The following ZNF275 variants were observed in gnomAD, a reference collection of about 807,000 sequenced individuals.
The protein encoded by ZNF275 is zinc finger protein 275.
A neutral mutation model predicts 4.3 loss-of-function variants in ZNF275; 4 were observed. The ratio of observed to expected loss-of-function variants is 0.93; its 90% CI spans 0.46 to 2.13. The LOEUF (loss-of-function observed/expected upper bound fraction) is 2.13. Among genes scored for constraint, ZNF275 ranks in the 30% most tolerant of loss-of-function variants. The pLI is 0.02. For missense variants in ZNF275, 352 were observed against 397.1 expected (o/e 0.89, Z 0.97); for synonymous variants, 173 against 166.9 (o/e 1.04, Z -0.28).
At chrX:153,336,275 G>A (rs1457306243) in intron 1 of ZNF275, among the ~76,000 whole-genome samples, 1 of 112,870 alleles carries the variant, frequency 8.9e-6, no homozygotes, top group Non-Finnish European at 1.9e-5. Context: ...AATACCCCAA[G>A]AGAGACAGAC....
intron 2 of ZNF275, among the ~76,000 whole-genome samples, chrX:153,342,961 C>CTA (rs782303368): frequency 1.8e-5 from 2 of 112,758 alleles, no homozygotes; most frequent in Non-Finnish European, 3.7e-5. Context: ...CCACTAAGCT[C>CTA]TATTTGGTTC....
chrX:153,343,281 C>T (rs988993774), intron 2 of ZNF275: 5 of 218,985 alleles, frequency 2.3e-5, no homozygotes, highest in African/African-American at 1.5e-4. Context: ...TTTTGTGGGC[C>T]TTGAGCCAGT....
rs1290332708 is a variant in ZNF275, at chrX:153,334,229, T to TGGGCCGCGCCAGCGCCGCTCCACCGA, written c.-93_-68dup. The TGGGCCGCGCCAGCGCCGCTCCACCGA allele has an allele frequency of 9.0e-6, 1 of 111,634 alleles. No homozygotes were observed. Among genetic ancestry groups the TGGGCCGCGCCAGCGCCGCTCCACCGA allele is most frequent in the African/African-American group, 3.2e-5 (1 of 30,809 alleles). 9.2% of individuals were successfully genotyped at this position (111,634 alleles called of 1,213,427 possible). The stretch of plus-strand genomic sequence containing the variant: ...CGCTTCCTGCCACGCCAGGCCTGCC[T>TGGGCCGCGCCAGCGCCGCTCCACCGA]GGGCCGCGCCAGCGCCGCTCCACCG... On this transcript the variant is annotated 5_prime_UTR_variant, in exon 1 of 4. Coordinates refer to ENST00000650114, the MANE Select transcript of ZNF275 (RefSeq NM_001367757.1).
Position 153,352,663 on chromosome X carries a change from CCA to C in ZNF275, c.*4689_*4690del, listed in dbSNP as rs1352562387. Reference sequence around the variant, plus strand: ...CTGAGAACAATAGCTATGTCCCACCCCAGTTTGTATTTCCGTTGGTTGTTGGC... The same window carrying C: ...CTGAGAACAATAGCTATGTCCCACCCGTTTGTATTTCCGTTGGTTGTTGGC... On this transcript the variant is annotated 3_prime_UTR_variant, in exon 4 of 4. Coordinates refer to ENST00000650114, the MANE Select transcript of ZNF275 (RefSeq NM_001367757.1). 8.9e-6 allele frequency: 1 copy of C among 112,109 alleles called. No homozygotes were observed. The highest frequency in any genetic ancestry group is 3.2e-5 in the African/African-American group (1 of 30,802). The allele number at this position is 112,109 out of a possible 1,213,427, so 9.2% of individuals were successfully genotyped here.
rs1163861722 is a variant in ZNF275 at position 153,349,071 on chromosome X, C to G, written c.*1096C>G. The G allele has an allele frequency of 8.1e-6, 1 of 123,647 alleles. No individual in the cohort carries two copies. Among genetic ancestry groups the G allele is most frequent in the African/African-American group, 3.2e-5 (1 of 30,854 alleles). The allele number at this position is 123,647 out of a possible 1,213,427, so 10.2% of individuals were successfully genotyped here. A position where few individuals can be genotyped will look rare whatever the true frequency, so the allele number is the denominator to read the frequency against. On this transcript the variant is annotated 3_prime_UTR_variant, in exon 4 of 4. Transcript: ENST00000650114. The stretch of plus-strand genomic sequence containing the variant: ...AGCATGCCCCTAAGAAGAGATACAT[C>G]TCAAGGACTCAAGTGCAGGGTGACG...
Position 153,348,429 on chromosome X carries a change from A to C in ZNF275, c.*454A>C, listed in dbSNP as rs1163843293. 1.6e-5 allele frequency: 2 copies of C among 123,477 alleles called. No individual in the cohort carries two copies. The highest frequency in any genetic ancestry group is 3.7e-5 in the Non-Finnish European group (2 of 53,390). The allele number at this position is 123,477 out of a possible 1,213,427, so 10.2% of individuals were successfully genotyped here. On this transcript the variant is annotated 3_prime_UTR_variant, in exon 4 of 4. Coordinates refer to ENST00000650114, the MANE Select transcript of ZNF275 (RefSeq NM_001367757.1). The stretch of plus-strand genomic sequence containing the variant: ...TATAAATTTTTAGGGATGTAAATAG[A>C]ACACTCAAATGTCTTAAAATATTTA...
At chrX:153,344,744 G>A (rs782761109) in intron 2 of ZNF275, 3 of 355,970 alleles carry the variant, frequency 8.4e-6, no homozygotes, top group Non-Finnish European at 1.6e-5. Context: ...CCTGAACAGA[G>A]GGCACTGGAA....
At chrX:153,336,257 C>G (rs1032821765) in intron 1 of ZNF275, among the ~76,000 whole-genome samples, 23 of 112,904 alleles carry the variant, frequency 2.0e-4, no homozygotes, top group Admixed American at 1.4e-3. Flanking sequence ...AAGGCACACA[C>G]AGACACAAAT....
chrX:153,344,480 T>A, intron 2 of ZNF275: 1 of 301,534 alleles, frequency 3.3e-6, no homozygotes, highest in East Asian at 8.0e-5. Context: ...AGAGGCCAGG[T>A]CCATGGCCCA....
chrX:153,343,133 A>AT (rs1410224191), intron 2 of ZNF275, among the ~76,000 whole-genome samples: 1 of 111,872 alleles, frequency 8.9e-6, no homozygotes, highest in Non-Finnish European at 1.9e-5. Flanking sequence ...TATTTTCTCC[A>AT]TTTTTTTCTA....
Position 153,351,128 on chromosome X carries a change from T to G in ZNF275, c.*3153T>G, listed in dbSNP as rs925988746. 8.9e-5 allele frequency: 11 copies of G among 123,867 alleles called. No homozygotes were observed. Among genetic ancestry groups the G allele is most frequent in the African/African-American group, 3.6e-4 (11 of 30,925 alleles). The allele number at this position is 123,867 out of a possible 1,213,427, so 10.2% of individuals were successfully genotyped here. On this transcript the variant is annotated 3_prime_UTR_variant, in exon 4 of 4. Coordinates refer to ENST00000650114, the MANE Select transcript of ZNF275 (RefSeq NM_001367757.1). ...CTTTCCCATCTTCAGTTCTATAATT[T>G]TCTCCCAAACAAATGCTCTTTTAGA...
intron 2 of ZNF275, among the ~76,000 whole-genome samples, chrX:153,337,717 C>A (rs2088455374): frequency 8.9e-6 from 1 of 112,193 alleles, no homozygotes; most frequent in Non-Finnish European, 1.9e-5. Context: ...TGTAATGGTG[C>A]TTGCCTAGGT....
intron 2 of ZNF275, among the ~76,000 whole-genome samples, chrX:153,338,184 G>T (rs1159021075): frequency 9.0e-6 from 1 of 111,202 alleles, no homozygotes; most frequent in Non-Finnish European, 1.9e-5. Context: ...TGATCCGATT[G>T]TCTCTAGGAT....
rs782180980 is a variant in ZNF275, at chrX:153,347,244, G to A, written c.559G>A (p.Gly187Arg). The A allele has an allele frequency of 1.3e-5, 16 of 1,209,478 alleles. No individual in the cohort carries two copies. The Admixed American group carries it at 1.5e-4, about 12-fold the overall frequency. ...EAKPFECEEC[G>R]KRFKKNAGLS... ...AAAGCCCTTCGAGTGCGAGGAGTGC[G>A]GAAAACGGTTTAAGAAGAATGCAGG... The change falls in exon 4 of 4, where the codon GGA (glycine) becomes AGA (arginine). Residue 187 changes from glycine (G) to arginine (R), a missense_variant. Transcript: ENST00000650114.
chrX:153,338,507 A>G (rs2088459956), intron 2 of ZNF275, among the ~76,000 whole-genome samples: 1 of 110,950 alleles, frequency 9.0e-6, no homozygotes, highest in Non-Finnish European at 1.9e-5. Context: ...GCTGCACAGG[A>G]AAGGATTATT....
chrX:153,347,519 C>T lies in ZNF275; in HGVS notation c.834C>T (p.Asn278=), dbSNP rs372792162. The T allele has an allele frequency of 9.2e-6, 11 of 1,193,633 alleles. No homozygotes were observed. Among genetic ancestry groups the T allele is most frequent in the South Asian group, 1.9e-5 (1 of 53,542 alleles). The part of the protein sequence containing the change: ...DDCGKSFRGV[N]GLAEHQRIHS... The stretch of plus-strand genomic sequence containing the variant: ...GCGGCAAGTCCTTCCGAGGGGTCAA[C>T]GGGCTGGCCGAGCACCAGCGCATCC... The change falls in exon 4 of 4, where the codon AAC becomes AAT. Residue 278 remains asparagine, a synonymous_variant. Coordinates refer to ENST00000650114, the MANE Select transcript of ZNF275 (RefSeq NM_001367757.1).
intron 1 of ZNF275, 107 bp from the exon 2 acceptor site, chrX:153,336,527 C>A (rs1297780517): frequency 7.4e-6 from 4 of 538,551 alleles, no homozygotes; most frequent in Non-Finnish European, 1.3e-5. Context: ...TTCAGTTGAA[C>A]CCTGTATCTG....
Position 153,347,630 on chromosome X carries a change from C to G in ZNF275, c.945C>G (p.His315Gln). 1 of 1,202,692 alleles carries G rather than the reference C, an allele frequency of 8.3e-7. No homozygotes were observed. Among genetic ancestry groups the G allele is most frequent in the Non-Finnish European group, 1.1e-6 (1 of 891,203 alleles). The part of the protein sequence containing the change: ...SSELTKHRRI[H>Q]TGEKPYACGQ... ...AGCTCACCAAGCACCGGCGGATCCA[C>G]ACGGGCGAGAAGCCCTACGCCTGCG... The change falls in exon 4 of 4, where the codon CAC becomes CAG. Residue 315 changes from histidine (H) to glutamine (Q), a missense_variant. Physicochemically the swap from His to Gln is conservative, Grantham distance 24. Transcript: ENST00000650114.
At chrX:153,345,177 A>T (rs1432163160) in intron 2 of ZNF275, 6 of 198,530 alleles carry the variant, frequency 3.0e-5, no homozygotes, top group Non-Finnish European at 5.7e-5. Context: ...TGGGAGTCAG[A>T]TTTGGGAGCT....
Sources: allele counts gnomAD v4.1 joint callset (sites outside exome capture counted in the v4.1 genomes callset), GRCh38; gene constraint gnomAD v4.1.1; transcripts MANE v1.5; gene names NCBI Gene and HGNC (gene_info 2026-07-23, HGNC 2026-07-21).